NDC80: variants seen among roughly 807,000 people sequenced by gnomAD.
NDC80 encodes the protein kinetochore protein NDC80 homolog.
Under a neutral mutation model 89.3 loss-of-function variants are expected in NDC80, and 69 were observed. The observed-to-expected ratio is 0.77, with a 90% CI of 0.64 to 0.94. The LOEUF (loss-of-function observed/expected upper bound fraction) is 0.94, where lower values mean the gene tolerates loss of function less well. Ranked by LOEUF, NDC80 falls within the 40% of genes least tolerant of loss-of-function variation. The pLI is 0.00. For synonymous variants in NDC80, 243 were observed against 255.6 expected (o/e 0.95, Z 0.47); for missense variants, 593 against 739.6 (o/e 0.80, Z 2.30).
intron 7 of NDC80, among the ~76,000 whole-genome samples, chr18:2,586,022 A>AT (rs1372775835): frequency 3.9e-5 from 6 of 152,224 alleles, no homozygotes; most frequent in African/African-American, 1.4e-4. Flanking sequence ...AGTGGTTGAG[A>AT]TAAAGGAAAC....
At chr18:2,594,899 A>G (rs8095745) in intron 10 of NDC80, 59,358 of 152,000 alleles carry the variant, frequency 0.39, 12,854 homozygotes, top group East Asian at 0.68. Context: ...TCACATTGTG[A>G]GTTTCAAATG....
At chr18:2,606,148 A>T (rs2072710401) in intron 13 of NDC80, among the ~76,000 whole-genome samples, 1 of 151,030 alleles carries the variant, frequency 6.6e-6, no homozygotes, top group African/African-American at 2.4e-5. Flanking sequence ...TATTAATAAT[A>T]TATAATATAT....
At chr18:2,579,508 A>G (rs1598364575) in intron 6 of NDC80, among the ~76,000 whole-genome samples, 1 of 151,964 alleles carries the variant, frequency 6.6e-6, no homozygotes, top group Non-Finnish European at 1.5e-5. Flanking sequence ...GCTCACTTCA[A>G]CCTCCGCTTC....
intron 2 of NDC80, among the ~76,000 whole-genome samples, chr18:2,574,620 GT>G (rs1038724773): frequency 7.9e-4 from 119 of 151,194 alleles, no homozygotes; most frequent in Middle Eastern, 3.4e-3. Flanking sequence ...TACCTTCAGG[GT>G]TTTTTTTTAA....
intron 16 of NDC80, 32 bp from the exon 17 acceptor site, chr18:2,616,405 T>G: frequency 7.3e-7 from 1 of 1,367,350 alleles, no homozygotes; most frequent in Non-Finnish European, 9.9e-7. Flanking sequence ...TTAATTTTTT[T>G]TACTTTAACA....
At chr18:2,603,356 C>CATACATATATATATATATAT (rs1418359357) in intron 13 of NDC80, among the ~76,000 whole-genome samples, 4 of 120,802 alleles carry the variant, frequency 3.3e-5, no homozygotes, top group East Asian at 2.3e-4. Flanking sequence ...TATGTTTATA[C>CATACATATATATATATATAT]ATATATATAT....
intron 6 of NDC80, chr18:2,582,550 G>T (rs1057011357): frequency 6.6e-6 from 1 of 152,036 alleles, no homozygotes; most frequent in African/African-American, 2.4e-5. Context: ...GTTCTCAGTT[G>T]ATTTCTATTA....
intron 3 of NDC80, chr18:2,577,215 CTT>C (rs11326622): frequency 0.015 from 1,782 of 120,586 alleles, 55 homozygotes; most frequent in East Asian, 0.14. Context: ...ACTGTCTGCG[CTT>C]TTTTTTTTTT....
At chr18:2,588,090 C>G (rs2072610783) in intron 8 of NDC80, among the ~76,000 whole-genome samples, 167 bp downstream of exon 8, 1 of 152,096 alleles carries the variant, frequency 6.6e-6, no homozygotes, top group African/African-American at 2.4e-5. Context: ...AGAAGTTAAA[C>G]AAAAAGAATA....
chr18:2,571,891 A>C (rs945129238), intron 1 of NDC80, among the ~76,000 whole-genome samples: 4 of 152,062 alleles, frequency 2.6e-5, no homozygotes, highest in Non-Finnish European at 5.9e-5. Flanking sequence ...CCCAAGGAGG[A>C]AAGGGGAGGG....
chr18:2,582,111 T>C lies in NDC80; in HGVS notation c.580-3002T>C, dbSNP rs1218068402. ...GTTTGTTTTGAAACAGAGTCTTGCT[T>C]TGTTGCCCAGGCTGGAATGCAGTGG... is the stretch of plus-strand genomic sequence containing the variant. On this transcript the variant is annotated intron_variant, in intron 6 of 16. Coordinates refer to ENST00000261597, the MANE Select transcript of NDC80 (RefSeq NM_006101.3). 4.4e-4 allele frequency: 67 copies of C among 152,738 alleles called. 1 individual carries two copies. Among genetic ancestry groups the C allele is most frequent in the East Asian group, 1.5e-3 (8 of 5,222 alleles). 9.5% of individuals were successfully genotyped at this position (152,738 alleles called of 1,614,324 possible).
At chr18:2,608,956 G>T in intron 15 of NDC80, 126 bp downstream of exon 15, 1 of 1,043,880 alleles carries the variant, frequency 9.6e-7, no homozygotes, top group Non-Finnish European at 1.3e-6. Context: ...GGAAAGAATG[G>T]TATATAGAAC....
At chr18:2,599,283 G>A (rs2072672414) in intron 12 of NDC80, 112 bp downstream of exon 12, 1 of 754,004 alleles carries the variant, frequency 1.3e-6, no homozygotes, top group South Asian at 3.4e-5. Flanking sequence ...ATAAAACACT[G>A]AAACTGTATC....
At chr18:2,589,803 G>A (rs896513279) in intron 9 of NDC80, among the ~76,000 whole-genome samples, 6 of 133,090 alleles carry the variant, frequency 4.5e-5, no homozygotes, top group Non-Finnish European at 8.9e-5. Context: ...TTAAATATTT[G>A]TGCTTTTTCA....
At chr18:2,572,467 A>T (rs2072521192) in intron 1 of NDC80, among the ~76,000 whole-genome samples, 1 of 152,232 alleles carries the variant, frequency 6.6e-6, no homozygotes, top group Non-Finnish European at 1.5e-5. Context: ...GTAATTGAGG[A>T]AACAATGGGT....
At chr18:2,576,786 A>G (rs2072549087) in intron 3 of NDC80, among the ~76,000 whole-genome samples, 1 of 152,206 alleles carries the variant, frequency 6.6e-6, no homozygotes, top group Non-Finnish European at 1.5e-5. Context: ...TTTATTCTAA[A>G]CAAATTATGT....
chr18:2,614,468 AAAGAAAGAAAGAAAGG>A (rs2072762874), intron 16 of NDC80: 2 of 7,112 alleles, frequency 2.8e-4, no homozygotes, highest in African/African-American at 6.2e-4. Flanking sequence ...AGAAAGAAAG[AAAGAAAGAAAGAAAGG>A]AAGGAAGGAA....
intron 2 of NDC80, among the ~76,000 whole-genome samples, chr18:2,574,497 A>G (rs1050887648): frequency 5.9e-5 from 9 of 152,324 alleles, no homozygotes; most frequent in East Asian, 3.9e-4. Context: ...TTATGTGTCA[A>G]TTTTTAATTT....
intron 10 of NDC80, 34 bp from the exon 11 acceptor site, chr18:2,595,382 G>A (rs1283862520): frequency 1.3e-6 from 2 of 1,528,982 alleles, no homozygotes; most frequent in African/African-American, 2.7e-5. Flanking sequence ...AGGAATTGAA[G>A]ATACATTAAA....
Sources: allele counts gnomAD v4.1 joint callset (sites outside exome capture counted in the v4.1 genomes callset), GRCh38; gene constraint gnomAD v4.1.1; transcripts MANE v1.5; gene names NCBI Gene and HGNC (gene_info 2026-07-23, HGNC 2026-07-21).